PHKB: variants seen among roughly 807,000 people sequenced by gnomAD.
PHKB encodes phosphorylase kinase regulatory subunit beta, also known as phosphorylase b kinase regulatory subunit beta.
PHKB carries 122 observed loss-of-function variants against 152.1 expected under a neutral mutation model. The observed-to-expected ratio is 0.80, with a 90% CI of 0.69 to 0.93. The LOEUF is 0.93. Ranked by LOEUF, PHKB falls within the 40% of genes least tolerant of loss-of-function variation. The pLI is 0.00. For synonymous variants in PHKB, 436 were observed against 464.9 expected, an observed-to-expected ratio of 0.94 and a Z score of 0.80; for missense variants, 1,304 against 1,328.4, an observed-to-expected ratio of 0.98 and a Z score of 0.29.
chr16:47,477,354 A>G (rs1006779281), intron 1 of PHKB, among the ~76,000 whole-genome samples: 1 of 152,206 alleles, frequency 6.6e-6, no homozygotes, highest in Non-Finnish European at 1.5e-5. Context: ...TGGGGACTCA[A>G]TGTTGAATAA....
intron 26 of PHKB, among the ~76,000 whole-genome samples, chr16:47,677,525 G>A (rs765963723): frequency 2.0e-5 from 3 of 152,126 alleles, no homozygotes; most frequent in Non-Finnish European, 2.9e-5. Context: ...GCTTGCAGAT[G>A]GCTGCCTTCT....
intron 6 of PHKB, among the ~76,000 whole-genome samples, chr16:47,528,043 GT>G (rs1439317510): frequency 1.3e-5 from 2 of 152,316 alleles, no homozygotes; most frequent in African/African-American, 4.8e-5. Context: ...AGTAGTTACT[GT>G]AAGTGACTTA....
At chr16:47,529,538 G>A (rs1970825587) in intron 6 of PHKB, 3 of 152,048 alleles carry the variant, frequency 2.0e-5, no homozygotes, top group Admixed American at 2.0e-4. Context: ...AGTGGAGACA[G>A]GGTTTCACCT....
chr16:47,463,922 A>T, intron 1 of PHKB: 1 of 1,614,012 alleles, frequency 6.2e-7, no homozygotes, highest in Non-Finnish European at 8.5e-7. Context: ...GCTTATGATT[A>T]GAGCCAACAA....
chr16:47,699,198 C>T (rs1180577410), intron 30 of PHKB, 31 bp from the exon 31 acceptor site: 8 of 1,610,464 alleles, frequency 5.0e-6, no homozygotes, highest in African/African-American at 1.3e-5. Flanking sequence ...AACAGAAGAT[C>T]GAATGCCTTG....
chr16:47,511,651 A>C lies in PHKB; in HGVS notation c.406-14A>C, dbSNP rs772452825. 1 of 1,544,768 alleles carries C rather than the reference A, an allele frequency of 6.5e-7. No individual in the cohort carries two copies. Among genetic ancestry groups the C allele is most frequent in the Non-Finnish European group, 9.0e-7 (1 of 1,116,760 alleles). On this transcript the variant is annotated splice_polypyrimidine_tract_variant and intron_variant, in intron 4 of 30. Transcript: ENST00000323584. ...TGAATTACTAATGTTGTTTAATTTT[A>C]TATTTCATTCTAGGTCCAGCAGTTT...
rs1315549399 is a variant in PHKB, at chr16:47,532,928, A to C, written c.595-14505A>C. Among the ~76,000 whole-genome samples, 5 of 152,322 alleles carry C rather than the reference A, an allele frequency of 3.3e-5. No individual in the cohort carries two copies. The East Asian group carries it at 9.6e-4, about 29-fold the overall frequency. On this transcript the variant is annotated intron_variant, in intron 6 of 30. Coordinates refer to ENST00000323584, the MANE Select transcript of PHKB (RefSeq NM_000293.3). Reference sequence around the variant, plus strand: ...GTGGAGGGTGAGCAAAATGAAGAAGAGCTTTATTGAGCAGTGGAACAACTT... The same window carrying C: ...GTGGAGGGTGAGCAAAATGAAGAAGCGCTTTATTGAGCAGTGGAACAACTT...
At chr16:47,599,613 A>G (rs947228567) in intron 13 of PHKB, among the ~76,000 whole-genome samples, 9 of 152,194 alleles carry the variant, frequency 5.9e-5, no homozygotes, top group Non-Finnish European at 1.2e-4. Context: ...TCATGCCTCC[A>G]TTTCTGTTTC....
At chr16:47,473,422 T>C (rs1969814756) in intron 1 of PHKB, among the ~76,000 whole-genome samples, 3 of 151,944 alleles carry the variant, frequency 2.0e-5, no homozygotes, top group Non-Finnish European at 2.9e-5. Context: ...ATTTTCTTTT[T>C]CACATTAGGC....
rs1195656062 is a variant in PHKB, at chr16:47,696,386, A to C, written c.2901A>C (p.Pro967=). 3 of 1,586,938 alleles carry C rather than the reference A, an allele frequency of 1.9e-6. No individual in the cohort carries two copies. In the South Asian group the frequency reaches 3.3e-5, roughly 18 times the overall value. The change falls in exon 29 of 31, where the codon CCA becomes CCC. Residue 967 remains proline (P), a synonymous_variant. Coordinates refer to ENST00000323584, the MANE Select transcript of PHKB (RefSeq NM_000293.3). ...IVAGKHLPQQ[P]TLSDMTMYEM... ...TGTGGAGTTATTTTTTTCAGCAACC[A>C]ACCCTGTCAGATATGACCATGTATG...
At chr16:47,556,118 T>C (rs911313609) in intron 7 of PHKB, among the ~76,000 whole-genome samples, 1 of 152,224 alleles carries the variant, frequency 6.6e-6, no homozygotes, top group African/African-American at 2.4e-5. Context: ...TGTACATTGA[T>C]TTTGTATCCT....
At chr16:47,566,507 G>C in intron 7 of PHKB, 2 of 1,605,888 alleles carry the variant, frequency 1.2e-6, no homozygotes, top group South Asian at 2.2e-5. Flanking sequence ...CTGGATTGCT[G>C]GGTTCACGTG....
At position 47,689,062 on chromosome 16, in the gene PHKB, G is replaced by C; in HGVS notation, c.2652G>C (p.Glu884Asp). Residue 884 changes from glutamate (E) to aspartate (D), a missense_variant, in exon 27 of 31, where the codon GAG becomes GAC. Glu to Asp is a conservative substitution (Grantham distance 45). Transcript: ENST00000323584. ...TCAGGTGGATCATCCATGCCATGGA[G>C]TATGAACTTCAGATCCGTGGCGGAG... ...IRIGWIIHAM[E>D]YELQIRGGDK... 6.2e-7 allele frequency: 1 copy of C among 1,614,040 alleles called. No individual in the cohort carries two copies. Among genetic ancestry groups the C allele is most frequent in the Non-Finnish European group, 8.5e-7 (1 of 1,179,948 alleles).
intron 30 of PHKB, 190 bp from the exon 31 acceptor site, chr16:47,699,039 G>A: frequency 1.6e-6 from 1 of 615,598 alleles, no homozygotes; most frequent in South Asian, 2.0e-5. Context: ...ACAAAGGAGA[G>A]AATACTAAAA....
At chr16:47,473,256 G>A (rs1391103129) in intron 1 of PHKB, among the ~76,000 whole-genome samples, 1 of 39,690 alleles carries the variant, frequency 2.5e-5, no homozygotes, top group Admixed American at 2.9e-4. Context: ...TTTTTTTATT[G>A]TAGAGACAAG....
intron 6 of PHKB, among the ~76,000 whole-genome samples, chr16:47,533,510 G>T (rs1370475557): frequency 6.6e-6 from 1 of 152,176 alleles, no homozygotes; most frequent in Non-Finnish European, 1.5e-5. Flanking sequence ...CCCTGCCTTG[G>T]CTTCCCTTAG....
At position 47,543,872 on chromosome 16, in the gene PHKB, T is replaced by C. The variant is rs563138017; in HGVS notation, c.595-3561T>C. Reference sequence around the variant, plus strand: ...TCCCCTTTATCATTTTTATTACATCTATTCTTACATCTATTTTTTACATCT... The same window carrying C: ...TCCCCTTTATCATTTTTATTACATCCATTCTTACATCTATTTTTTACATCT... On this transcript the variant is annotated intron_variant, in intron 6 of 30. Transcript: ENST00000323584. Among the ~76,000 whole-genome samples, 14 of 152,276 alleles carry C rather than the reference T, an allele frequency of 9.2e-5. No individual in the cohort carries two copies. In the South Asian group the frequency reaches 1.7e-3, roughly 18 times the overall value.
intron 6 of PHKB, among the ~76,000 whole-genome samples, chr16:47,518,078 G>A (rs1380507326): frequency 3.3e-5 from 5 of 152,104 alleles, no homozygotes; most frequent in African/African-American, 1.2e-4. Context: ...TTAGGCTCTG[G>A]TTTGGCTAGT....
In PHKB at chr16:47,588,878, A is replaced by G. The variant is rs756380534; in HGVS notation, c.871-27A>G. 9 of 1,588,960 alleles carry G rather than the reference A, an allele frequency of 5.7e-6. No individual in the cohort carries two copies. In the South Asian group the frequency reaches 8.8e-5, roughly 16 times the overall value. On this transcript the variant is annotated intron_variant, in intron 9 of 30. Transcript: ENST00000323584. ...GTTGATCACATCGCTGTGGACACTC[A>G]CAGTCTCTCTTTCTCATTGCCTCCA...
Sources: allele counts gnomAD v4.1 joint callset (sites outside exome capture counted in the v4.1 genomes callset), GRCh38; gene constraint gnomAD v4.1.1; transcripts MANE v1.5; gene names NCBI Gene and HGNC (gene_info 2026-07-23, HGNC 2026-07-21).